HDAC9: variants seen among roughly 807,000 people sequenced by gnomAD.
The protein encoded by HDAC9 is histone deacetylase 9.
Under a neutral mutation model 139.4 loss-of-function variants are expected in HDAC9, and 41 were observed. The observed-to-expected ratio is 0.29, with a 90% CI of 0.23 to 0.38. The LOEUF is 0.38. Among genes scored for constraint, HDAC9 ranks in the 10% least tolerant of loss-of-function variants. The pLI is 1.00. For synonymous variants in HDAC9, 517 were observed against 476.2 expected (o/e 1.09, Z -1.12); for missense variants, 1,147 against 1,297.0 (o/e 0.88, Z 1.78).
intron 22 of HDAC9, among the ~76,000 whole-genome samples, chr7:18,896,646 A>G (rs1313776941): frequency 6.6e-6 from 1 of 152,126 alleles, no homozygotes; most frequent in Non-Finnish European, 1.5e-5. Flanking sequence ...CACAAAGCTT[A>G]ATAAAACTCC....
At chr7:18,809,691 G>T (rs1374176413) in intron 17 of HDAC9, among the ~76,000 whole-genome samples, 2 of 151,908 alleles carry the variant, frequency 1.3e-5, no homozygotes, top group Admixed American at 1.3e-4. Context: ...CACACCTGTT[G>T]GGATGGCTGT....
At chr7:18,178,324 A>C (rs982621622) in intron 2 of HDAC9, among the ~76,000 whole-genome samples, 1 of 152,238 alleles carries the variant, frequency 6.6e-6, no homozygotes, top group African/African-American at 2.4e-5. Context: ...ACCTCAGGCA[A>C]TCTGCATGCC....
intron 1 of HDAC9, among the ~76,000 whole-genome samples, chr7:18,301,530 A>G (rs945535208): frequency 1.3e-5 from 2 of 152,190 alleles, no homozygotes; most frequent in Non-Finnish European, 1.5e-5. Flanking sequence ...AGTAGATAGC[A>G]TAATACTTTC....
chr7:18,457,388 T>C (rs2106507), intron 1 of HDAC9, among the ~76,000 whole-genome samples: 82,331 of 152,056 alleles, frequency 0.54, 23,798 homozygotes, highest in Middle Eastern at 0.66. Context: ...GAAATAAAAT[T>C]GCTTCAGTGA....
intron 1 of HDAC9, among the ~76,000 whole-genome samples, chr7:18,293,659 A>G (rs1400995078): frequency 6.6e-6 from 1 of 151,954 alleles, no homozygotes; most frequent in Non-Finnish European, 1.5e-5. Context: ...CCTGTAAAGC[A>G]TGGTTTAGGG....
In HDAC9 at chr7:18,746,149, G is replaced by A. The variant is rs115604170; in HGVS notation, c.1910-2856G>A. Among the ~76,000 whole-genome samples, 562 of 152,150 alleles carry A rather than the reference G, an allele frequency of 3.7e-3. 6 individuals are homozygous for A. The highest frequency in any genetic ancestry group is 0.013 in the African/African-American group (533 of 41,514). On this transcript the variant is annotated intron_variant, in intron 13 of 25. Transcript: ENST00000686413. ...GCCTCCCAAAGTGCTAGGCTTACAG[G>A]TGTAAGGCACCGTACCTGGCCAAAA...
At chr7:18,231,418 A>G (rs1292882789) in intron 2 of HDAC9, among the ~76,000 whole-genome samples, 1 of 152,210 alleles carries the variant, frequency 6.6e-6, no homozygotes, top group East Asian at 1.9e-4. Flanking sequence ...ACCAGTCCCA[A>G]GAAGAGGCAC....
At chr7:18,665,600 A>G (rs1264662335) in intron 11 of HDAC9, among the ~76,000 whole-genome samples, 2 of 152,124 alleles carry the variant, frequency 1.3e-5, no homozygotes, top group Admixed American at 6.6e-5. Context: ...TTCATAAAAC[A>G]TCTTATTGTT....
At chr7:18,280,618 G>A (rs1797042715) in intron 2 of HDAC9, among the ~76,000 whole-genome samples, 1 of 150,614 alleles carries the variant, frequency 6.6e-6, no homozygotes, top group Non-Finnish European at 1.5e-5. Flanking sequence ...AAAAAAAATA[G>A]CTGGCGTGTT....
chr7:18,331,347 G>GT (rs1415283219), intron 1 of HDAC9, among the ~76,000 whole-genome samples: 1 of 151,512 alleles, frequency 6.6e-6, no homozygotes, highest in Non-Finnish European at 1.5e-5. Flanking sequence ...GAAAAATCGT[G>GT]TTTTTTAATG....
chr7:18,126,173 A>C (rs1465274981), intron 1 of HDAC9, among the ~76,000 whole-genome samples: 3 of 151,976 alleles, frequency 2.0e-5, no homozygotes, highest in Non-Finnish European at 4.4e-5. Context: ...GAACTTGTAC[A>C]AGCTTTATGT....
intron 15 of HDAC9, among the ~76,000 whole-genome samples, chr7:18,764,554 T>C (rs1240718861): frequency 6.6e-6 from 1 of 152,238 alleles, no homozygotes; most frequent in Non-Finnish European, 1.5e-5. Flanking sequence ...TCTGTTCTTT[T>C]TAAAGGTTAA....
chr7:18,655,781 T>A (rs573853289), intron 11 of HDAC9, among the ~76,000 whole-genome samples: 1 of 152,234 alleles, frequency 6.6e-6, no homozygotes, highest in East Asian at 1.9e-4. Context: ...GACGCTTTTA[T>A]TGAATGAGAA....
At chr7:18,643,497 A>G (rs1466080981) in intron 8 of HDAC9, among the ~76,000 whole-genome samples, 1 of 152,066 alleles carries the variant, frequency 6.6e-6, no homozygotes, top group African/African-American at 2.4e-5. Flanking sequence ...TAAGACTAAG[A>G]CTCATCTCCA....
At chr7:18,196,398 AC>A (rs1227257013) in intron 2 of HDAC9, among the ~76,000 whole-genome samples, 5 of 152,228 alleles carry the variant, frequency 3.3e-5, no homozygotes, top group Non-Finnish European at 5.9e-5. Flanking sequence ...AAAGCTTCAG[AC>A]AAACCTGGGC....
intron 2 of HDAC9, among the ~76,000 whole-genome samples, chr7:18,528,441 A>G (rs1291815317): frequency 6.6e-6 from 1 of 152,092 alleles, no homozygotes; most frequent in Non-Finnish European, 1.5e-5. Context: ...AATGGAATGA[A>G]TTATCTTCTG....
At chr7:18,292,912 A>G (rs1200608279) in intron 1 of HDAC9, among the ~76,000 whole-genome samples, 1 of 152,164 alleles carries the variant, frequency 6.6e-6, no homozygotes, top group East Asian at 1.9e-4. Context: ...CAAAAATAGA[A>G]CTGAATGTGT....
intron 2 of HDAC9, among the ~76,000 whole-genome samples, chr7:18,248,927 G>A (rs1447707178): frequency 6.6e-6 from 1 of 152,132 alleles, no homozygotes; most frequent in Non-Finnish European, 1.5e-5. Context: ...ATTGAAAATA[G>A]AGTTAAAGCT....
At chr7:18,255,907 G>A (rs10257006) in intron 2 of HDAC9, among the ~76,000 whole-genome samples, 2,812 of 152,156 alleles carry the variant, frequency 0.018, 96 homozygotes, top group African/African-American at 0.063. Flanking sequence ...GATTATAGGT[G>A]TGAGCCACCA....
Sources: allele counts gnomAD v4.1 joint callset (sites outside exome capture counted in the v4.1 genomes callset), GRCh38; gene constraint gnomAD v4.1.1; transcripts MANE v1.5; gene names NCBI Gene and HGNC (gene_info 2026-07-23, HGNC 2026-07-21).